CEP192: variants seen among roughly 807,000 people sequenced by gnomAD.
CEP192 encodes the protein centrosomal protein 192, also known as centrosomal protein of 192 kDa.
CEP192 carries 151 observed loss-of-function variants against 271.8 expected under a neutral mutation model. The ratio of observed to expected loss-of-function variants is 0.56; its 90% CI spans 0.49 to 0.64. The LOEUF (loss-of-function observed/expected upper bound fraction) is 0.64, where lower values mean the gene tolerates loss of function less well. CEP192 is among the 30% of genes least tolerant of loss of function. The pLI is 0.00. For synonymous variants in CEP192, 995 were observed against 1,076.5 expected, an observed-to-expected ratio of 0.92 and a Z score of 1.48; for missense variants, 2,910 against 3,020.5, an observed-to-expected ratio of 0.96 and a Z score of 0.86.
chr18:13,030,709 A>G, intron 11 of CEP192, 101 bp downstream of exon 11: 1 of 874,278 alleles, frequency 1.1e-6, no homozygotes, highest in Non-Finnish European at 1.8e-6. Flanking sequence ...TCCCTTCTGG[A>G]CTATCACTGT....
chr18:13,059,363 T>C, intron 21 of CEP192, 51 bp downstream of exon 21: 1 of 1,450,562 alleles, frequency 6.9e-7, no homozygotes, highest in South Asian at 1.2e-5. Context: ...TAAAGAAGAC[T>C]GTTTAACCTT....
intron 15 of CEP192, among the ~76,000 whole-genome samples, chr18:13,042,559 T>G (rs558191165): frequency 5.3e-5 from 8 of 152,366 alleles, no homozygotes; most frequent in African/African-American, 1.9e-4. Flanking sequence ...ATGAATGAAT[T>G]ATCACAAGTC....
In CEP192 at chr18:13,018,604, T is replaced by C. The variant is rs1290532832; in HGVS notation, c.914T>C (p.Leu305Pro). ...KESEESQVIC[L>P]PGTSNSIGTG... ...TCTGAGGAAAGCCAAGTTATTTGTC[T>C]ACCTGGGACTAGTAAGTATAGAAAT... Residue 305 changes from leucine (L) to proline (P), a missense_variant, in exon 8 of 45, where the codon CTA (leucine) becomes CCA (proline). Leu to Pro is a moderately conservative substitution (Grantham distance 98). Coordinates refer to ENST00000506447, the MANE Select transcript of CEP192 (RefSeq NM_032142.4). 6.5e-7 allele frequency: 1 copy of C among 1,527,672 alleles called. No individual in the cohort carries two copies. The highest frequency in any genetic ancestry group is 2.1e-5 in the Admixed American group (1 of 48,318). The allele number at this position is 1,527,672 out of a possible 1,614,324, so 94.6% of individuals were successfully genotyped here.
chr18:13,039,030 C>T (rs533050358), intron 13 of CEP192, among the ~76,000 whole-genome samples: 8 of 152,246 alleles, frequency 5.3e-5, no homozygotes, highest in African/African-American at 1.9e-4. Context: ...AATGCATGTA[C>T]AATTAAAAAG....
intron 18 of CEP192, among the ~76,000 whole-genome samples, chr18:13,053,667 T>C (rs1040612135): frequency 6.6e-6 from 1 of 152,140 alleles, no homozygotes; most frequent in Non-Finnish European, 1.5e-5. Context: ...AGCAGGTCAC[T>C]GTCATGATCT....
intron 1 of CEP192, among the ~76,000 whole-genome samples, chr18:12,995,130 C>T (rs9958986): frequency 0.46 from 67,353 of 147,918 alleles, 15,511 homozygotes; most frequent in Middle Eastern, 0.55. Flanking sequence ...GGCGCGATCT[C>T]GGCTCCCTGC....
chr18:13,008,368 G>A, intron 3 of CEP192, 88 bp from the exon 4 acceptor site: 2 of 935,292 alleles, frequency 2.1e-6, no homozygotes, highest in Non-Finnish European at 3.2e-6. Context: ...TTTTTAAGAG[G>A]TAAAATACAT....
intron 24 of CEP192, 32 bp downstream of exon 24, chr18:13,068,454 T>A: frequency 1.3e-6 from 2 of 1,496,078 alleles, no homozygotes; most frequent in Non-Finnish European, 1.8e-6. Flanking sequence ...GGAATTGCTT[T>A]AATCTGTAGC....
At chr18:13,019,023 T>C (rs1009475196) in intron 8 of CEP192, 59 bp from the exon 9 acceptor site, 9 of 1,413,754 alleles carry the variant, frequency 6.4e-6, no homozygotes, top group Non-Finnish European at 6.6e-6. Flanking sequence ...GAATCAGTTA[T>C]TATGTTAGAT....
chr18:13,054,790 A>G (rs562068400), intron 18 of CEP192, among the ~76,000 whole-genome samples: 2 of 152,188 alleles, frequency 1.3e-5, no homozygotes, highest in African/African-American at 4.8e-5. Context: ...CCAAGTACCA[A>G]AGCAATCAGT....
At chr18:13,001,335 C>T in intron 2 of CEP192, 122 bp from the exon 3 acceptor site, 2 of 624,442 alleles carry the variant, frequency 3.2e-6, no homozygotes, top group South Asian at 2.1e-5. Context: ...GTTTGAAATA[C>T]AGGGGCCCTA....
At chr18:13,001,629 T>A in intron 3 of CEP192, 47 bp downstream of exon 3, 19 of 1,476,166 alleles carry the variant, frequency 1.3e-5, no homozygotes, top group Non-Finnish European at 1.6e-5. Flanking sequence ...AAGTGGGTCT[T>A]ACGCAGTCTT....
intron 3 of CEP192, among the ~76,000 whole-genome samples, chr18:13,008,211 A>G (rs1448469501): frequency 6.7e-6 from 1 of 148,890 alleles, no homozygotes; most frequent in East Asian, 2.0e-4. Context: ...GCTGCTTGAA[A>G]GAGTAGCAGT....
chr18:12,994,661 A>G (rs1335219154), intron 1 of CEP192, among the ~76,000 whole-genome samples: 3 of 152,216 alleles, frequency 2.0e-5, no homozygotes, highest in African/African-American at 7.2e-5. Context: ...TTTTGCCCTC[A>G]GGAATGGACT....
chr18:13,034,533 C>T (rs894917745), intron 11 of CEP192, among the ~76,000 whole-genome samples: 3 of 151,860 alleles, frequency 2.0e-5, no homozygotes, highest in Admixed American at 6.6e-5. Context: ...CTCGGCCGGG[C>T]GCAGTGGCTT....
At chr18:13,089,604 G>A in intron 33 of CEP192, 39 bp downstream of exon 33, 1 of 1,016,478 alleles carries the variant, frequency 9.8e-7, no homozygotes, top group South Asian at 1.4e-5. Context: ...TAAATCTTTT[G>A]GGTCATTTAT....
At chr18:13,011,693 A>G (rs1056141050) in intron 4 of CEP192, among the ~76,000 whole-genome samples, 1 of 151,990 alleles carries the variant, frequency 6.6e-6, no homozygotes, top group Non-Finnish European at 1.5e-5. Context: ...ATTTTTGTAT[A>G]TTTAGTAGAG....
At chr18:13,044,397 T>C (rs1358033686) in intron 15 of CEP192, among the ~76,000 whole-genome samples, 1 of 151,806 alleles carries the variant, frequency 6.6e-6, no homozygotes, top group Non-Finnish European at 1.5e-5. Context: ...ATTTCATCTT[T>C]CAATTTGATG....
intron 30 of CEP192, among the ~76,000 whole-genome samples, chr18:13,086,242 G>A (rs1246971311): frequency 6.6e-6 from 1 of 152,206 alleles, no homozygotes; most frequent in Non-Finnish European, 1.5e-5. Flanking sequence ...TGTGTCCTGA[G>A]ACAGCTGCAG....
Sources: gnomAD v4.1 joint callset for allele counts (sites outside exome capture counted in the v4.1 genomes callset) on GRCh38, gnomAD v4.1.1 for gene constraint, MANE v1.5 for transcripts, NCBI Gene and HGNC (gene_info 2026-07-23, HGNC 2026-07-21) for gene names.